The following PDK2 variants were observed in gnomAD, a reference collection of about 807,000 sequenced individuals.
The protein encoded by PDK2 is pyruvate dehydrogenase kinase 2, also known as pyruvate dehydrogenase kinase, isozyme 2.
PDK2 carries 34 observed loss-of-function variants against 50.4 expected under a neutral mutation model. That is an observed-to-expected ratio of 0.68 (90% CI 0.51 to 0.90). PDK2 has a LOEUF of 0.90. Among genes scored for constraint, PDK2 ranks in the 40% least tolerant of loss-of-function variants. PDK2 has a pLI of 0.00. For synonymous variants in PDK2, 232 were observed against 216.0 expected, an observed-to-expected ratio of 1.07 and a Z score of -0.65; for missense variants, 377 against 544.5, an observed-to-expected ratio of 0.69 and a Z score of 3.06.
At chr17:50,098,532 G>A (rs1910062345) in intron 2 of PDK2, 1 of 152,198 alleles carries the variant, frequency 6.6e-6, no homozygotes, top group Non-Finnish European at 1.5e-5. Flanking sequence ...AAAGAACACT[G>A]ATATTTTTCC....
At chr17:50,097,306 G>C in intron 1 of PDK2, 117 bp from the exon 2 acceptor site, 1 of 1,009,614 alleles carries the variant, frequency 9.9e-7, no homozygotes, top group Admixed American at 2.1e-5. Context: ...GTGTGCCCCG[G>C]GCAGGTCACT....
At chr17:50,107,384 C>T (rs913367030) in intron 6 of PDK2, among the ~76,000 whole-genome samples, 1 of 152,106 alleles carries the variant, frequency 6.6e-6, no homozygotes, top group African/African-American at 2.4e-5. Flanking sequence ...AGTTTGAGAC[C>T]GGCCTCGGCA....
intron 2 of PDK2, among the ~76,000 whole-genome samples, chr17:50,099,689 AG>A (rs1426375164): frequency 1.3e-5 from 2 of 152,222 alleles, no homozygotes; most frequent in African/African-American, 4.8e-5. Context: ...GCTACTCGGG[AG>A]GCTGAGGCAG....
intron 2 of PDK2, among the ~76,000 whole-genome samples, chr17:50,104,918 C>T (rs1450732251): frequency 1.3e-5 from 2 of 152,340 alleles, no homozygotes; most frequent in South Asian, 4.1e-4. Flanking sequence ...GCCATTGTGC[C>T]CACTGGATGC....
At chr17:50,099,685 C>T (rs1156577022) in intron 2 of PDK2, among the ~76,000 whole-genome samples, 8 of 152,132 alleles carry the variant, frequency 5.3e-5, no homozygotes, top group Non-Finnish European at 7.3e-5. Context: ...CCCAGCTACT[C>T]GGGAGGCTGA....
At position 50,106,807 on chromosome 17, in the gene PDK2, T is replaced by C. The variant is rs1291312836; in HGVS notation, c.531T>C (p.Asp177=). 13 of 1,613,880 alleles carry C rather than the reference T, an allele frequency of 8.1e-6. No homozygotes were observed. In the Admixed American group the frequency reaches 2.2e-4, roughly 27 times the overall value. Residue 177 remains aspartate, a synonymous_variant, in exon 5 of 11, where the codon GAT becomes GAC. Coordinates refer to ENST00000503176, the MANE Select transcript of PDK2 (RefSeq NM_002611.5). ...TCCTGCCTGCAGCCCTCATCTTTGA[T>C]GGCAGCACCAACCCAGCCCATCCCA... The part of the protein sequence containing the change: ...MLINQHTLIF[D]GSTNPAHPKH...
Position 50,103,856 on chromosome 17 carries a change from G to A in PDK2, c.261-1515G>A, listed in dbSNP as rs1442790156. Among the ~76,000 whole-genome samples, 4 of 152,130 alleles carry A rather than the reference G, an allele frequency of 2.6e-5. No individual in the cohort carries two copies. The East Asian group carries it at 7.7e-4, about 29-fold the overall frequency. On this transcript the variant is annotated intron_variant, in intron 2 of 10. Transcript: ENST00000503176. ...TTCATCATCCCACTTACTAGCTATG[G>A]GGCTGCTTACGCCTCCCTGGGGGAG...
At chr17:50,095,740 G>T (rs1567710343) in intron 1 of PDK2, 187 bp downstream of exon 1, 2 of 1,421,406 alleles carry the variant, frequency 1.4e-6, no homozygotes, top group Non-Finnish European at 1.8e-6. Context: ...CGGGGCTGCT[G>T]ATGGGAATGG....
chr17:50,110,254 T>C lies in PDK2; in HGVS notation c.*157T>C. 1 of 760,064 alleles carries C rather than the reference T, an allele frequency of 1.3e-6. No homozygotes were observed. The highest frequency in any genetic ancestry group is 2.0e-6 in the Non-Finnish European group (1 of 507,814). The allele number at this position is 760,064 out of a possible 1,614,324, so 47.1% of individuals were successfully genotyped here. A position where few individuals can be genotyped will look rare whatever the true frequency, so the allele number is the denominator to read the frequency against. On this transcript the variant is annotated 3_prime_UTR_variant, in exon 11 of 11. Coordinates refer to ENST00000503176, the MANE Select transcript of PDK2 (RefSeq NM_002611.5). Reference sequence around the variant, plus strand: ...AGTCACTGCGGTGATAGGTCTGTGATGGTCCCTAAGTGCCAGTCCATCTCT... The same window carrying C: ...AGTCACTGCGGTGATAGGTCTGTGACGGTCCCTAAGTGCCAGTCCATCTCT...
intron 6 of PDK2, 148 bp from the exon 7 acceptor site, chr17:50,108,008 C>T: frequency 1.5e-6 from 1 of 668,866 alleles, no homozygotes. Flanking sequence ...CACCAGCTAC[C>T]CCAGCTCAAG....
Position 50,105,962 on chromosome 17 carries a change from A to G in PDK2, c.410A>G (p.Tyr137Cys). ...ACCATGGCACAAGGCGTGCTTGAGT[A>G]CAAGGACACCTACGGCGATGACCCC... ...VPTMAQGVLE[Y>C]KDTYGDDPVS... is the part of the protein sequence containing the mutation. The change falls in exon 4 of 11, where the codon TAC (tyrosine) becomes TGC (cysteine). Residue 137 changes from tyrosine (Y) to cysteine (C), a missense_variant. Transcript: ENST00000503176. 4 of 1,613,256 alleles carry G rather than the reference A, an allele frequency of 2.5e-6. No homozygotes were observed. Among genetic ancestry groups the G allele is most frequent in the Non-Finnish European group, 3.4e-6 (4 of 1,179,630 alleles).
intron 1 of PDK2, chr17:50,096,350 C>A: frequency 1.0e-6 from 1 of 957,258 alleles, no homozygotes; most frequent in Non-Finnish European, 1.2e-6. Context: ...GCTGTGCCAA[C>A]GTGGCAGCTG....
chr17:50,107,981 G>A (rs1327352564), intron 6 of PDK2, 175 bp from the exon 7 acceptor site: 2 of 629,676 alleles, frequency 3.2e-6, no homozygotes, highest in African/African-American at 1.8e-5. Context: ...AGAATTGAAT[G>A]CATCACTTCC....
Position 50,101,369 on chromosome 17 carries a change from A to G in PDK2, c.260+3805A>G, listed in dbSNP as rs1910219613. 1.3e-5 allele frequency among the ~76,000 whole-genome samples: 2 copies of G among 151,698 alleles called. No homozygotes were observed. Among genetic ancestry groups the G allele is most frequent in the South Asian group, 2.1e-4 (1 of 4,798 alleles). On this transcript the variant is annotated intron_variant, in intron 2 of 10. Coordinates refer to ENST00000503176, the MANE Select transcript of PDK2 (RefSeq NM_002611.5). This position sits in a 1 kb window ranked among gnomAD's most constrained non-coding sequence, Gnocchi z 4.2. ...GCCCATGAGGTGCTTACTCCCATGAACCCCATTTTGCAAATGGGGACCCGA... is the reference window on the plus strand; with the variant it reads ...GCCCATGAGGTGCTTACTCCCATGAGCCCCATTTTGCAAATGGGGACCCGA...
intron 2 of PDK2, chr17:50,104,477 C>G (rs1443934516): frequency 6.6e-6 from 1 of 152,336 alleles, no homozygotes; most frequent in Non-Finnish European, 1.5e-5. Flanking sequence ...TCTTGAACTC[C>G]TGACCTCAGG....
intron 1 of PDK2, chr17:50,096,249 G>A: frequency 2.0e-6 from 2 of 985,526 alleles, no homozygotes; most frequent in Non-Finnish European, 2.4e-6. Flanking sequence ...GTGGAGTCAA[G>A]CCGCCTATAC....
intron 1 of PDK2, 80 bp from the exon 2 acceptor site, chr17:50,097,343 G>C: frequency 6.8e-7 from 1 of 1,460,588 alleles, no homozygotes; most frequent in South Asian, 1.2e-5. Flanking sequence ...TGTTAATGAA[G>C]GGTTTAGCTG....
At position 50,101,112 on chromosome 17, in the gene PDK2, G is replaced by A. The variant is rs1910201752; in HGVS notation, c.260+3548G>A. 1 of 152,238 alleles carries A rather than the reference G, an allele frequency of 6.6e-6. No homozygotes were observed. Among genetic ancestry groups the A allele is most frequent in the African/African-American group, 2.4e-5 (1 of 41,446 alleles). 9.4% of individuals were successfully genotyped at this position (152,238 alleles called of 1,614,324 possible). ...CAATGACTCACTGCTGTCACTAACA[G>A]GCTCTTTGTGGGGGCTGTAGGTGGG... is the stretch of plus-strand genomic sequence containing the variant. On this transcript the variant is annotated intron_variant, in intron 2 of 10. Coordinates refer to ENST00000503176, the MANE Select transcript of PDK2 (RefSeq NM_002611.5). The surrounding 1 kb of genome is among the most constrained non-coding windows in gnomAD (Gnocchi z 4.2).
Position 50,106,759 on chromosome 17 carries a change from G to A in PDK2, c.518-35G>A, listed in dbSNP as rs180900285. On this transcript the variant is annotated intron_variant, in intron 4 of 10. Coordinates refer to ENST00000503176, the MANE Select transcript of PDK2 (RefSeq NM_002611.5). ...AGAGGGAGCGCTGGGACAGACTGCAGCCCAGCCAACAGCATCCTCCCTTCC... is the reference window on the plus strand; with the variant it reads ...AGAGGGAGCGCTGGGACAGACTGCAACCCAGCCAACAGCATCCTCCCTTCC... 4,743 of 1,565,580 alleles carry A rather than the reference G, an allele frequency of 3.0e-3. 6 individuals carry two copies. Among genetic ancestry groups the A allele is most frequent in the African/African-American group, 5.8e-3 (429 of 74,066 alleles).
Sources: gnomAD v4.1 joint callset for allele counts (sites outside exome capture counted in the v4.1 genomes callset) on GRCh38, gnomAD v4.1.1 for gene constraint, Gnocchi (gnomAD v3.1) non-coding constraint, MANE v1.5 for transcripts, NCBI Gene and HGNC (gene_info 2026-07-23, HGNC 2026-07-21) for gene names.